The following MSRA variants were observed in gnomAD, a reference collection of about 807,000 sequenced individuals.
MSRA encodes methionine sulfoxide reductase A.
A neutral mutation model predicts 31.3 loss-of-function variants in MSRA; 54 were observed. The ratio of observed to expected loss-of-function variants is 1.73; its 90% CI spans 1.39 to 2.17. MSRA has a LOEUF of 2.17. Among genes scored for constraint, MSRA ranks in the 30% most tolerant of loss-of-function variants. The pLI is 0.00. For missense variants in MSRA, 507 were observed against 300.9 expected (o/e 1.69, Z -5.07); for synonymous variants, 169 against 116.5 (o/e 1.45, Z -2.90).
At chr8:10,407,322 T>C (rs1373704612) in intron 5 of MSRA, among the ~76,000 whole-genome samples, 1 of 152,096 alleles carries the variant, frequency 6.6e-6, no homozygotes, top group East Asian at 1.9e-4. Flanking sequence ...GTGAGGTAGA[T>C]TTTAGGGTCA....
intron 3 of MSRA, among the ~76,000 whole-genome samples, chr8:10,293,842 C>G (rs1219706595): frequency 1.3e-5 from 2 of 152,178 alleles, no homozygotes; most frequent in Non-Finnish European, 2.9e-5. Flanking sequence ...AGAGCACAGG[C>G]TGAGAGCTGG....
At chr8:10,209,518 T>C (rs1809291672) in intron 2 of MSRA, among the ~76,000 whole-genome samples, 1 of 152,194 alleles carries the variant, frequency 6.6e-6, no homozygotes, top group Non-Finnish European at 1.5e-5. Context: ...CAAGTCTTTC[T>C]TTTCTTTTCT....
intron 3 of MSRA, among the ~76,000 whole-genome samples, chr8:10,285,425 A>G (rs1476163758): frequency 1.3e-5 from 2 of 152,176 alleles, no homozygotes; most frequent in Non-Finnish European, 2.9e-5. Flanking sequence ...CATGTATACA[A>G]TGTGTAATGA....
chr8:10,169,919 T>TC (rs1805452184), intron 1 of MSRA, among the ~76,000 whole-genome samples: 2 of 148,050 alleles, frequency 1.4e-5, no homozygotes, highest in African/African-American at 4.9e-5. Context: ...CTTTCTTTCT[T>TC]TTTTTTTTTT....
chr8:10,422,053 C>T (rs181911591), intron 5 of MSRA, among the ~76,000 whole-genome samples: 11 of 152,176 alleles, frequency 7.2e-5, no homozygotes, highest in African/African-American at 1.4e-4. Context: ...GGCCAAGATG[C>T]GAGGATCGTT....
In MSRA at chr8:10,253,980, A is replaced by C. The variant is rs112530917; in HGVS notation, c.331+8757A>C. 1.3e-4 allele frequency among the ~76,000 whole-genome samples: 20 copies of C among 152,254 alleles called. 1 individual carries two copies. Among genetic ancestry groups the C allele is most frequent in the African/African-American group, 4.8e-4 (20 of 41,536 alleles). On this transcript the variant is annotated intron_variant, in intron 3 of 5. Transcript: ENST00000317173. ...CATGGGAGTGAAGCACCCAGACGTG[A>C]GCGGAGCGGCTTGGGAAGAGGTCAC...
chr8:10,122,790 G>C (rs1204109400), intron 1 of MSRA, among the ~76,000 whole-genome samples: 2 of 152,174 alleles, frequency 1.3e-5, no homozygotes, highest in African/African-American at 4.8e-5. Context: ...TGAGGTATTT[G>C]GTTTCCTGTT....
intron 3 of MSRA, among the ~76,000 whole-genome samples, chr8:10,254,140 G>T (rs186939209): frequency 5.9e-5 from 9 of 152,168 alleles, no homozygotes; most frequent in African/African-American, 1.9e-4. Context: ...GTGGAATTGT[G>T]AAGTCTCTCA....
intron 1 of MSRA, among the ~76,000 whole-genome samples, chr8:10,143,219 G>T (rs1159415258): frequency 6.6e-6 from 1 of 152,134 alleles, no homozygotes; most frequent in East Asian, 1.9e-4. Context: ...CATTTCCTGT[G>T]CACATGTACT....
chr8:10,219,401 ACTT>A (rs1295479826), intron 2 of MSRA, among the ~76,000 whole-genome samples: 5 of 152,168 alleles, frequency 3.3e-5, no homozygotes, highest in African/African-American at 1.2e-4. Context: ...TTACTGACCC[ACTT>A]CTTTTTTAAT....
intron 3 of MSRA, among the ~76,000 whole-genome samples, chr8:10,272,284 T>C (rs990734848): frequency 6.6e-6 from 1 of 152,204 alleles, no homozygotes; most frequent in Non-Finnish European, 1.5e-5. Context: ...TTGGCTCATA[T>C]GATTATGGAG....
intron 1 of MSRA, among the ~76,000 whole-genome samples, chr8:10,163,220 T>A (rs1236858035): frequency 6.6e-6 from 1 of 152,120 alleles, no homozygotes; most frequent in Non-Finnish European, 1.5e-5. Context: ...CTTGTGGTGT[T>A]CATAAGCCAC....
chr8:10,372,411 T>C (rs964439790), intron 5 of MSRA, among the ~76,000 whole-genome samples: 1 of 152,254 alleles, frequency 6.6e-6, no homozygotes, highest in Non-Finnish European at 1.5e-5. Flanking sequence ...GTATTGCAGT[T>C]ATAAAATGCT....
chr8:10,278,100 A>G (rs1799421416), intron 3 of MSRA, among the ~76,000 whole-genome samples: 1 of 150,966 alleles, frequency 6.6e-6, no homozygotes, highest in South Asian at 2.1e-4. Context: ...TGAGGCATTT[A>G]TTTATTTATT....
intron 1 of MSRA, among the ~76,000 whole-genome samples, chr8:10,154,900 T>A (rs1804016014): frequency 6.6e-6 from 1 of 151,520 alleles, no homozygotes; most frequent in South Asian, 2.1e-4. Context: ...TGTTCTTTAA[T>A]ATTGATTTAC....
At chr8:10,163,550 A>G (rs1804854987) in intron 1 of MSRA, among the ~76,000 whole-genome samples, 1 of 152,200 alleles carries the variant, frequency 6.6e-6, no homozygotes, top group Admixed American at 6.5e-5. Flanking sequence ...CTTCGTAGAG[A>G]AAAATTCCTG....
chr8:10,103,090 A>G (rs530026794), intron 1 of MSRA, among the ~76,000 whole-genome samples: 72 of 152,336 alleles, frequency 4.7e-4, no homozygotes, highest in African/African-American at 1.6e-3. Flanking sequence ...ATGACATTGT[A>G]GTTTCTACTT....
At chr8:10,263,579 C>G (rs952862502) in intron 3 of MSRA, among the ~76,000 whole-genome samples, 2 of 152,178 alleles carry the variant, frequency 1.3e-5, no homozygotes, top group African/African-American at 4.8e-5. Context: ...CACTGAAATC[C>G]TTCTTCAGTC....
chr8:10,293,892 A>G (rs1008975918), intron 3 of MSRA, among the ~76,000 whole-genome samples: 14 of 152,132 alleles, frequency 9.2e-5, no homozygotes, highest in Non-Finnish European at 2.1e-4. Flanking sequence ...AGTGGTTCAC[A>G]ACCTTTCCTT....
Sources: gnomAD v4.1 joint callset for allele counts (sites outside exome capture counted in the v4.1 genomes callset) on GRCh38, gnomAD v4.1.1 for gene constraint, MANE v1.5 for transcripts, NCBI Gene and HGNC (gene_info 2026-07-23, HGNC 2026-07-21) for gene names.